PTPRD: variants seen among roughly 807,000 people sequenced by gnomAD.
PTPRD encodes receptor-type tyrosine-protein phosphatase delta.
In PTPRD, 34 loss-of-function variants were observed where a neutral mutation model predicts 214.5. That is an observed-to-expected ratio of 0.16 (90% confidence interval 0.12 to 0.21). The LOEUF (loss-of-function observed/expected upper bound fraction) is 0.21. Among genes scored for constraint, PTPRD ranks in the 10% least tolerant of loss-of-function variants. PTPRD has a pLI of 1.00. For synonymous variants in PTPRD, 1,128 were observed against 845.7 expected (o/e 1.33, Z -5.79); for missense variants, 2,545 against 2,398.7 (o/e 1.06, Z -1.27).
At chr9:8,401,787 T>C (rs1020588750) in intron 36 of PTPRD, among the ~76,000 whole-genome samples, 1 of 152,068 alleles carries the variant, frequency 6.6e-6, no homozygotes, top group Non-Finnish European at 1.5e-5. Flanking sequence ...TCAGATCACT[T>C]TGCAAAATAA....
chr9:8,786,844 A>G (rs549686617), intron 11 of PTPRD, among the ~76,000 whole-genome samples: 1 of 152,182 alleles, frequency 6.6e-6, no homozygotes, highest in East Asian at 1.9e-4. Flanking sequence ...CACCTAAGGA[A>G]ATGTTTATTT....
At chr9:9,513,185 T>C (rs974721921) in intron 8 of PTPRD, among the ~76,000 whole-genome samples, 2 of 151,946 alleles carry the variant, frequency 1.3e-5, no homozygotes, top group African/African-American at 4.8e-5. Flanking sequence ...TCAAGGGATA[T>C]AACTCTACAT....
At chr9:8,823,405 T>G (rs573195820) in intron 11 of PTPRD, among the ~76,000 whole-genome samples, 2 of 152,308 alleles carry the variant, frequency 1.3e-5, no homozygotes, top group South Asian at 4.1e-4. Flanking sequence ...CTTGCATGCT[T>G]CATGGAAACC....
At chr9:9,880,370 C>T (rs1202209172) in intron 5 of PTPRD, among the ~76,000 whole-genome samples, 2 of 152,094 alleles carry the variant, frequency 1.3e-5, no homozygotes, top group East Asian at 1.9e-4. Flanking sequence ...AAGATAACTA[C>T]GTGGTTAATG....
chr9:10,181,962 A>T (rs914101404), intron 3 of PTPRD, among the ~76,000 whole-genome samples: 3 of 149,220 alleles, frequency 2.0e-5, no homozygotes, highest in Non-Finnish European at 3.0e-5. Flanking sequence ...AAAAAAAAAA[A>T]AAAAAAGGAA....
chr9:10,574,397 T>C (rs766968290), intron 2 of PTPRD, among the ~76,000 whole-genome samples: 4 of 152,150 alleles, frequency 2.6e-5, no homozygotes, highest in African/African-American at 4.8e-5. Context: ...CAGCATAGTA[T>C]ATTGAAATAA....
At chr9:10,382,301 G>A (rs1335452034) in intron 2 of PTPRD, among the ~76,000 whole-genome samples, 4 of 151,784 alleles carry the variant, frequency 2.6e-5, no homozygotes, top group Non-Finnish European at 5.9e-5. Flanking sequence ...CTTATGAGTT[G>A]ACAAATAAAC....
intron 11 of PTPRD, among the ~76,000 whole-genome samples, chr9:8,896,033 A>T (rs1478208017): frequency 6.6e-6 from 1 of 152,120 alleles, no homozygotes; most frequent in East Asian, 1.9e-4. Flanking sequence ...AATCTGACAC[A>T]CTTGTGGAAT....
intron 5 of PTPRD, among the ~76,000 whole-genome samples, chr9:9,803,516 TATC>T (rs1299565575): frequency 6.6e-6 from 1 of 152,000 alleles, no homozygotes; most frequent in Non-Finnish European, 1.5e-5. Context: ...TATTTCAACT[TATC>T]ATGATGAGCA....
rs115451731 is a variant in PTPRD at position 9,252,693 on chromosome 9, C to G, written c.-202-69330G>C. Among the ~76,000 whole-genome samples, 1,002 of 152,122 alleles carry G rather than the reference C, an allele frequency of 6.6e-3. 11 individuals carry two copies. The highest frequency in any genetic ancestry group is 0.022 in the African/African-American group (928 of 41,528). On this transcript the variant is annotated intron_variant, in intron 9 of 45. Transcript: ENST00000381196. ...TTGTGGTCTTTCTATGTTACCCAGG[C>G]TGGTCTTGAACTCCTGGCTTCAAGC...
chr9:9,003,992 A>G (rs1044174167), intron 11 of PTPRD, among the ~76,000 whole-genome samples: 1 of 152,014 alleles, frequency 6.6e-6, no homozygotes, highest in South Asian at 2.1e-4. Context: ...GTCTCATCTC[A>G]CTATAAATCA....
chr9:10,390,434 C>T (rs2098035198), intron 2 of PTPRD, among the ~76,000 whole-genome samples: 1 of 151,762 alleles, frequency 6.6e-6, no homozygotes, highest in Non-Finnish European at 1.5e-5. Flanking sequence ...TCGGTAAAGG[C>T]AGTTGAAATG....
chr9:9,748,306 T>C (rs1370904130), intron 6 of PTPRD, among the ~76,000 whole-genome samples: 1 of 152,246 alleles, frequency 6.6e-6, no homozygotes, highest in Non-Finnish European at 1.5e-5. Context: ...TTTGCATGAA[T>C]GTTCACACCA....
intron 9 of PTPRD, among the ~76,000 whole-genome samples, chr9:9,375,678 A>G (rs1056501193): frequency 2.0e-5 from 3 of 152,182 alleles, no homozygotes; most frequent in Admixed American, 6.6e-5. Flanking sequence ...ATATTTTGCT[A>G]TGTGAAATAA....
chr9:9,184,220 T>G (rs1332510634), intron 9 of PTPRD, among the ~76,000 whole-genome samples: 6 of 152,056 alleles, frequency 3.9e-5, no homozygotes, highest in African/African-American at 1.4e-4. Context: ...CATCTTTCCC[T>G]ATCACACGTT....
chr9:10,503,149 T>C (rs989682063), intron 2 of PTPRD, among the ~76,000 whole-genome samples: 1 of 123,870 alleles, frequency 8.1e-6, no homozygotes, highest in Non-Finnish European at 1.6e-5. Flanking sequence ...AATGGTTATC[T>C]GGAGAGTGAA....
intron 8 of PTPRD, among the ~76,000 whole-genome samples, chr9:9,472,083 A>T (rs1483770924): frequency 6.6e-6 from 1 of 152,164 alleles, no homozygotes; most frequent in African/African-American, 2.4e-5. Context: ...GATCTATGCC[A>T]ATATTTTAAA....
At chr9:10,260,263 C>T (rs2475335) in intron 3 of PTPRD, among the ~76,000 whole-genome samples, 109,914 of 152,032 alleles carry the variant, frequency 0.72, 40,872 homozygotes, top group Non-Finnish European at 0.81. Context: ...ATACACAGAA[C>T]CCCTTGGGCA....
chr9:10,070,721 T>C (rs1443352676), intron 3 of PTPRD, among the ~76,000 whole-genome samples: 1 of 152,010 alleles, frequency 6.6e-6, no homozygotes, highest in Non-Finnish European at 1.5e-5. Context: ...TTTACATCAA[T>C]GTTTCTTGTT....
Sources: allele counts gnomAD v4.1 joint callset (sites outside exome capture counted in the v4.1 genomes callset), GRCh38; gene constraint gnomAD v4.1.1; transcripts MANE v1.5; gene names NCBI Gene and HGNC (gene_info 2026-07-23, HGNC 2026-07-21).